The following GTF2E1 variants were observed in gnomAD, a reference collection of about 807,000 sequenced individuals.
GTF2E1 encodes the protein TFIIE alpha subunit.
A neutral mutation model predicts 34.9 loss-of-function variants in GTF2E1; 14 were observed. The observed-to-expected ratio is 0.40, with a 90% confidence interval of 0.27 to 0.63. GTF2E1 has a LOEUF of 0.63. Ranked by LOEUF, GTF2E1 falls within the 20% of genes least tolerant of loss-of-function variation. The pLI is 0.39. For synonymous variants in GTF2E1, 188 were observed against 192.9 expected, an observed-to-expected ratio of 0.97 and a Z score of 0.21; for missense variants, 469 against 557.7, an observed-to-expected ratio of 0.84 and a Z score of 1.60.
intron 1 of GTF2E1, 35 bp from the exon 2 acceptor site, chr3:120,750,488 T>C (rs898496424): frequency 5.4e-6 from 7 of 1,284,724 alleles, no homozygotes; most frequent in Non-Finnish European, 6.6e-6. Flanking sequence ...CATGTTCTTA[T>C]ACCTGGCTAA....
At chr3:120,755,446 T>A (rs996105105) in intron 2 of GTF2E1, among the ~76,000 whole-genome samples, 2 of 152,310 alleles carry the variant, frequency 1.3e-5, no homozygotes. Flanking sequence ...GTCTTCTCTT[T>A]CTACTTAGAA....
chr3:120,757,590 CTA>C (rs1174245548), intron 2 of GTF2E1, among the ~76,000 whole-genome samples: 1 of 152,136 alleles, frequency 6.6e-6, no homozygotes, highest in Non-Finnish European at 1.5e-5. Flanking sequence ...ACTCCTTTTT[CTA>C]TACATTTTCC....
chr3:120,749,150 T>G (rs545868529), intron 1 of GTF2E1, among the ~76,000 whole-genome samples: 2 of 152,330 alleles, frequency 1.3e-5, no homozygotes, highest in Admixed American at 6.5e-5. Flanking sequence ...AAGGAGATTT[T>G]GGGCTGAGAC....
intron 2 of GTF2E1, among the ~76,000 whole-genome samples, chr3:120,760,238 T>C (rs532676589): frequency 3.9e-5 from 6 of 152,250 alleles, no homozygotes; most frequent in African/African-American, 7.2e-5. Context: ...CTGTTTATTA[T>C]TGGTGTGTAT....
At chr3:120,756,884 C>A (rs1709214376) in intron 2 of GTF2E1, among the ~76,000 whole-genome samples, 1 of 152,106 alleles carries the variant, frequency 6.6e-6, no homozygotes, top group South Asian at 2.1e-4. Flanking sequence ...CGAGATCGCA[C>A]CACTGCACTC....
At chr3:120,763,849 T>G (rs1043962397) in intron 2 of GTF2E1, among the ~76,000 whole-genome samples, 17 of 152,340 alleles carry the variant, frequency 1.1e-4, no homozygotes, top group South Asian at 2.1e-4. Context: ...GCCACTCTTC[T>G]GTTAAAAATC....
intron 1 of GTF2E1, among the ~76,000 whole-genome samples, chr3:120,743,511 T>A (rs927714852): frequency 2.0e-5 from 3 of 152,308 alleles, no homozygotes; most frequent in African/African-American, 7.2e-5. Context: ...TGTCTGGCTA[T>A]GCTAGATGCT....
chr3:120,748,912 C>T (rs1307908814), intron 1 of GTF2E1, among the ~76,000 whole-genome samples: 1 of 152,186 alleles, frequency 6.6e-6, no homozygotes, highest in Non-Finnish European at 1.5e-5. Flanking sequence ...TTGTTTGTAT[C>T]CTCTTTAAGT....
At position 120,782,610 on chromosome 3, in the gene GTF2E1, C is replaced by T. The variant is rs1250460089; in HGVS notation, c.*1140C>T. The T allele has an allele frequency of 1.3e-5, 2 of 152,280 alleles. No homozygotes were observed. The highest frequency in any genetic ancestry group is 1.9e-4 in the East Asian group (1 of 5,182). The allele number at this position is 152,280 out of a possible 1,614,324, so 9.4% of individuals were successfully genotyped here. A position where few individuals can be genotyped will look rare whatever the true frequency, so the allele number is the denominator to read the frequency against. On this transcript the variant is annotated 3_prime_UTR_variant, in exon 5 of 5. Transcript: ENST00000283875. ...GCTGAGACTGGTCCTGGTTTTGTTC[C>T]CTTTGGGTACAGACCTCTTGTCAGT...
chr3:120,767,666 T>C (rs1032817476), intron 2 of GTF2E1, among the ~76,000 whole-genome samples: 1 of 152,188 alleles, frequency 6.6e-6, no homozygotes. Context: ...TCCATGAAAC[T>C]GGCAGAATAA....
intron 3 of GTF2E1, among the ~76,000 whole-genome samples, chr3:120,775,940 A>G (rs184990805): frequency 6.6e-6 from 1 of 152,320 alleles, no homozygotes; most frequent in South Asian, 2.1e-4. Flanking sequence ...TTTTTCCATG[A>G]TCAGCACACA....
chr3:120,742,810 TGTTC>T lies in GTF2E1; in HGVS notation c.-31+17_-31+20del. The T allele has an allele frequency of 2.3e-6, 1 of 437,534 alleles. No homozygotes were observed. The highest frequency in any genetic ancestry group is 4.7e-5 in the East Asian group (1 of 21,260). The allele number at this position is 437,534 out of a possible 1,614,324, so 27.1% of individuals were successfully genotyped here. On this transcript the variant is annotated intron_variant, in intron 1 of 4. Transcript: ENST00000283875. ...ATTCGCCTTGGTAAACCTTGTTCCC[TGTTC>T]CTTGTTCGGAGTTCCCTGGCCGGGC...
intron 3 of GTF2E1, among the ~76,000 whole-genome samples, chr3:120,773,990 C>T (rs1709377504): frequency 6.6e-6 from 1 of 152,174 alleles, no homozygotes; most frequent in African/African-American, 2.4e-5. Flanking sequence ...CTCATACCTT[C>T]ATAAGACAGT....
Position 120,781,694 on chromosome 3 carries a change from T to A in GTF2E1, c.*224T>A. 1 of 472,222 alleles carries A rather than the reference T, an allele frequency of 2.1e-6. No homozygotes were observed. The highest frequency in any genetic ancestry group is 3.7e-6 in the Non-Finnish European group (1 of 266,942). The allele number at this position is 472,222 out of a possible 1,614,324, so 29.3% of individuals were successfully genotyped here. On this transcript the variant is annotated 3_prime_UTR_variant, in exon 5 of 5. Transcript: ENST00000283875. ...TTCCTTGCTGTCACTACAGTATTAA[T>A]ATTTTACTGTATTTTCTTTTCTTTT...
At chr3:120,766,580 C>T (rs755590406) in intron 2 of GTF2E1, among the ~76,000 whole-genome samples, 1 of 151,384 alleles carries the variant, frequency 6.6e-6, no homozygotes, top group Non-Finnish European at 1.5e-5. Context: ...TTCCCTTACC[C>T]CTTCATCTTC....
rs375390678 is a variant in GTF2E1, at chr3:120,750,619, C to T, written c.67C>T (p.Arg23Trp). The T allele has an allele frequency of 2.4e-5, 39 of 1,613,816 alleles. No individual in the cohort carries two copies. Among genetic ancestry groups the T allele is most frequent in the Non-Finnish European group, 3.1e-5 (36 of 1,179,904 alleles). ...ALKRLAKYVI[R>W]GFYGIEHALA... is the part of the protein sequence containing the mutation. ...GAAGCGGTTAGCCAAGTATGTGATC[C>T]GGGGATTTTATGGCATTGAGCATGC... The change falls in exon 2 of 5, where the codon CGG becomes TGG. Residue 23 changes from arginine (R) to tryptophan (W), a missense_variant. Transcript: ENST00000283875.
At chr3:120,763,760 G>C (rs1709284476) in intron 2 of GTF2E1, among the ~76,000 whole-genome samples, 1 of 152,060 alleles carries the variant, frequency 6.6e-6, no homozygotes, top group African/African-American at 2.4e-5. Context: ...CTCTTAGGTA[G>C]TTTCCTTGCT....
At chr3:120,760,614 A>T (rs1273708754) in intron 2 of GTF2E1, among the ~76,000 whole-genome samples, 1 of 152,158 alleles carries the variant, frequency 6.6e-6, no homozygotes, top group Non-Finnish European at 1.5e-5. Flanking sequence ...TACCTAGTTT[A>T]TTGAGAGTTT....
intron 2 of GTF2E1, among the ~76,000 whole-genome samples, chr3:120,765,278 A>T (rs536853141): frequency 6.6e-6 from 1 of 151,230 alleles, no homozygotes; most frequent in Non-Finnish European, 1.5e-5. Context: ...ATAGCTTTGA[A>T]ATATCTATTT....
Sources: allele counts gnomAD v4.1 joint callset (sites outside exome capture counted in the v4.1 genomes callset), GRCh38; gene constraint gnomAD v4.1.1; transcripts MANE v1.5; gene names NCBI Gene and HGNC (gene_info 2026-07-23, HGNC 2026-07-21).